ADAMTS20: variants seen among roughly 807,000 people sequenced by gnomAD.
ADAMTS20 encodes the protein A disintegrin and metalloproteinase with thrombospondin motifs 20.
Under a neutral mutation model 260.1 loss-of-function variants are expected in ADAMTS20, and 225 were observed. That is an observed-to-expected ratio of 0.87 (90% CI 0.78 to 0.97). The LOEUF is 0.97. ADAMTS20 is among the 50% of genes least tolerant of loss of function. The pLI, the probability that ADAMTS20 is intolerant of heterozygous loss-of-function variation, is 0.00. For synonymous variants in ADAMTS20, 802 were observed against 769.5 expected, an observed-to-expected ratio of 1.04 and a Z score of -0.70; for missense variants, 2,400 against 2,337.7, an observed-to-expected ratio of 1.03 and a Z score of -0.55.
chr12:43,430,872 G>C (rs1028587402), intron 22 of ADAMTS20, among the ~76,000 whole-genome samples: 2 of 152,082 alleles, frequency 1.3e-5, no homozygotes, highest in Non-Finnish European at 2.9e-5. Flanking sequence ...AAAGTTAAAG[G>C]GAAAATGAGA....
intron 28 of ADAMTS20, among the ~76,000 whole-genome samples, chr12:43,409,731 T>C (rs997823006): frequency 1.3e-5 from 2 of 151,104 alleles, no homozygotes; most frequent in Non-Finnish European, 2.9e-5. Flanking sequence ...ATACAACAAA[T>C]TTTCCCAACA....
At chr12:43,523,200 G>A (rs745562252) in intron 3 of ADAMTS20, among the ~76,000 whole-genome samples, 28 of 152,164 alleles carry the variant, frequency 1.8e-4, no homozygotes, top group Non-Finnish European at 3.5e-4. Context: ...AGGTCACAGG[G>A]CAAGGCCTTA....
At chr12:43,525,056 G>T (rs1398840152) in intron 3 of ADAMTS20, among the ~76,000 whole-genome samples, 1 of 150,234 alleles carries the variant, frequency 6.7e-6, no homozygotes, top group African/African-American at 2.4e-5. Context: ...TTGCAAAAAG[G>T]TCATCATCAG....
chr12:43,367,933 C>G (rs1940022925), intron 37 of ADAMTS20, among the ~76,000 whole-genome samples: 1 of 152,006 alleles, frequency 6.6e-6, no homozygotes, highest in South Asian at 2.1e-4. Flanking sequence ...CTGTCAAAGC[C>G]TTCTTAATGT....
chr12:43,529,625 G>A (rs10748365), intron 3 of ADAMTS20, among the ~76,000 whole-genome samples: 106,283 of 151,966 alleles, frequency 0.7, 37,453 homozygotes, highest in East Asian at 0.99. Context: ...GGCATACCGA[G>A]TGATATAATG....
chr12:43,372,065 T>C (rs1940120141), intron 36 of ADAMTS20, among the ~76,000 whole-genome samples: 1 of 152,180 alleles, frequency 6.6e-6, no homozygotes. Context: ...CTATTAGACA[T>C]TCATATGAAT....
intron 2 of ADAMTS20, among the ~76,000 whole-genome samples, chr12:43,537,298 A>G (rs1461568011): frequency 6.6e-6 from 1 of 151,484 alleles, no homozygotes; most frequent in Non-Finnish European, 1.5e-5. Context: ...CAAGTGGTCC[A>G]CCCACCTCAG....
intron 3 of ADAMTS20, among the ~76,000 whole-genome samples, chr12:43,506,420 T>C (rs1176296676): frequency 6.6e-6 from 1 of 151,828 alleles, no homozygotes; most frequent in African/African-American, 2.4e-5. Context: ...ACAATGTGAA[T>C]ATACTTAACA....
intron 29 of ADAMTS20, among the ~76,000 whole-genome samples, chr12:43,384,313 A>T (rs1940423407): frequency 6.6e-6 from 1 of 152,182 alleles, no homozygotes; most frequent in Non-Finnish European, 1.5e-5. Flanking sequence ...ATTCCACAAC[A>T]TTGCTTTTAA....
intron 4 of ADAMTS20, among the ~76,000 whole-genome samples, chr12:43,498,159 T>C (rs1275523644): frequency 6.6e-6 from 1 of 152,192 alleles, no homozygotes; most frequent in East Asian, 1.9e-4. Context: ...TCTTCTCCAC[T>C]AATTTTAATG....
intron 28 of ADAMTS20, among the ~76,000 whole-genome samples, chr12:43,409,368 C>T (rs1391273340): frequency 2.0e-5 from 3 of 151,446 alleles, no homozygotes; most frequent in Non-Finnish European, 4.4e-5. Context: ...TTTGGGAGGC[C>T]GAGACGGGCG....
chr12:43,461,894 G>A (rs1427532647), intron 11 of ADAMTS20, among the ~76,000 whole-genome samples: 3 of 152,138 alleles, frequency 2.0e-5, no homozygotes, highest in South Asian at 4.1e-4. Flanking sequence ...TAGAACTTTC[G>A]TCCTAAAATT....
chr12:43,380,932 T>A (rs534088796), intron 31 of ADAMTS20, among the ~76,000 whole-genome samples: 115 of 152,188 alleles, frequency 7.6e-4, no homozygotes, highest in African/African-American at 2.6e-3. Flanking sequence ...AGCCCAGTAA[T>A]CTTAAAGAGG....
At chr12:43,517,213 G>A (rs275374) in intron 3 of ADAMTS20, among the ~76,000 whole-genome samples, 34,332 of 151,810 alleles carry the variant, frequency 0.23, 4,956 homozygotes, top group Non-Finnish European at 0.33. Flanking sequence ...ACTAGCCAAC[G>A]TAACAAAACA....
chr12:43,454,669 C>T (rs1941932820), intron 11 of ADAMTS20, among the ~76,000 whole-genome samples: 1 of 152,174 alleles, frequency 6.6e-6, no homozygotes, highest in Non-Finnish European at 1.5e-5. Flanking sequence ...CTTCTCACTA[C>T]ACCAAACATC....
In ADAMTS20 at chr12:43,388,745, T is replaced by C. The variant is rs911213214; in HGVS notation, c.4453-4768A>G. On this transcript the variant is annotated intron_variant, in intron 29 of 38. Coordinates refer to ENST00000389420, the MANE Select transcript of ADAMTS20 (RefSeq NM_025003.5). Reference sequence around the variant, plus strand: ...TGCTGCCTATAGTTAGTGATTGTCTTAGTCTGTTCAGGCTGCTATAACAAA... The same window carrying C: ...TGCTGCCTATAGTTAGTGATTGTCTCAGTCTGTTCAGGCTGCTATAACAAA... Among the ~76,000 whole-genome samples the C allele has an allele frequency of 6.7e-4, 102 of 152,182 alleles. 2 individuals are homozygous for C. Among genetic ancestry groups the C allele is most frequent in the Non-Finnish European group, 3.2e-4 (22 of 68,020 alleles).
chr12:43,428,129 T>C (rs1941367170), intron 26 of ADAMTS20, 112 bp downstream of exon 26: 33 of 1,091,544 alleles, frequency 3.0e-5, no homozygotes, highest in Non-Finnish European at 3.9e-5. Context: ...AAACTATTGA[T>C]CTTGAAATAA....
chr12:43,432,388 A>G lies in ADAMTS20; in HGVS notation c.3012T>C (p.Asn1004=). The G allele has an allele frequency of 1.9e-6, 3 of 1,613,758 alleles. No homozygotes were observed. The highest frequency in any genetic ancestry group is 1.6e-4 in the Middle Eastern group (1 of 6,062). Residue 1004 remains asparagine, a synonymous_variant, in exon 21 of 39, where the codon AAT becomes AAC. Transcript: ENST00000389420. ...MNNFGHRLAD[N]ECQELSRVTR... is the part of the protein sequence containing the mutation. ...TCACTCGGGACAGTTCTTGGCATTC[A>G]TTGTCAGCAAGACGATGGCCAAAGT... is the stretch of plus-strand genomic sequence containing the variant.
rs1939686728 is a variant in ADAMTS20 at position 43,353,880 on chromosome 12, G to A, written c.*329C>T. 1 of 174,004 alleles carries A rather than the reference G, an allele frequency of 5.7e-6. No individual in the cohort carries two copies. The highest frequency in any genetic ancestry group is 2.4e-5 in the African/African-American group (1 of 42,150). 10.8% of individuals were successfully genotyped at this position (174,004 alleles called of 1,614,324 possible). A position where few individuals can be genotyped will look rare whatever the true frequency, so the allele number is the denominator to read the frequency against. ...GCAGAGATTTACATGTGTGTTTATA[G>A]GTATAAAATAAGTGTGGTCCAGGCC... On this transcript the variant is annotated 3_prime_UTR_variant, in exon 39 of 39. Transcript: ENST00000389420.
Sources: gnomAD v4.1 joint callset for allele counts (sites outside exome capture counted in the v4.1 genomes callset) on GRCh38, gnomAD v4.1.1 for gene constraint, MANE v1.5 for transcripts, NCBI Gene and HGNC (gene_info 2026-07-23, HGNC 2026-07-21) for gene names.